The following GALNTL6 variants were observed in gnomAD, a reference collection of about 807,000 sequenced individuals.
The protein encoded by GALNTL6 is polypeptide N-acetylgalactosaminyltransferase like 6.
Under a neutral mutation model 73.7 loss-of-function variants are expected in GALNTL6, and 46 were observed. That is an observed-to-expected ratio of 0.62 (90% CI 0.49 to 0.80). The LOEUF (loss-of-function observed/expected upper bound fraction) is 0.80. GALNTL6 is among the 30% of genes least tolerant of loss of function. The pLI is 0.00. For missense variants in GALNTL6, 604 were observed against 755.0 expected (o/e 0.80, Z 2.34); for synonymous variants, 259 against 263.7 (o/e 0.98, Z 0.17).
intron 2 of GALNTL6, among the ~76,000 whole-genome samples, chr4:172,085,086 T>C (rs1244267082): frequency 6.6e-6 from 1 of 152,062 alleles, no homozygotes; most frequent in Non-Finnish European, 1.5e-5. Context: ...AAATAATACA[T>C]ATAAATAGCT....
At chr4:172,341,797 T>C (rs1741576536) in intron 4 of GALNTL6, among the ~76,000 whole-genome samples, 1 of 152,186 alleles carries the variant, frequency 6.6e-6, no homozygotes, top group Non-Finnish European at 1.5e-5. Context: ...CAATTAAACC[T>C]CTTTCTTTTA....
At chr4:172,713,541 CT>C (rs1299274737) in intron 5 of GALNTL6, among the ~76,000 whole-genome samples, 1 of 152,094 alleles carries the variant, frequency 6.6e-6, no homozygotes, top group Non-Finnish European at 1.5e-5. Flanking sequence ...AAATATTCCT[CT>C]CACCCAAAAG....
intron 5 of GALNTL6, among the ~76,000 whole-genome samples, chr4:172,553,144 T>A (rs1360603104): frequency 2.0e-5 from 3 of 152,174 alleles, no homozygotes; most frequent in Non-Finnish European, 2.9e-5. Flanking sequence ...TTGCCAATAT[T>A]TGGTTTTCTG....
chr4:172,502,358 A>C (rs1450437467), intron 5 of GALNTL6, among the ~76,000 whole-genome samples: 2 of 152,224 alleles, frequency 1.3e-5, no homozygotes, highest in Admixed American at 6.5e-5. Context: ...GACAGTTCTC[A>C]TGAACTATCT....
rs372184518 is a variant in GALNTL6 at position 172,270,780 on chromosome 4, A to T, written c.248-40834A>T. 2.7e-5 allele frequency among the ~76,000 whole-genome samples: 4 copies of T among 147,064 alleles called. No homozygotes were observed. The South Asian group carries it at 8.6e-4, about 32-fold the overall frequency. ...TAGATAGTAGATAGATAATCTCTAG[A>T]TATAGAGCTGTCTATAGATATATAA... On this transcript the variant is annotated intron_variant, in intron 3 of 12. Coordinates refer to ENST00000506823, the MANE Select transcript of GALNTL6 (RefSeq NM_001034845.3).
intron 2 of GALNTL6, among the ~76,000 whole-genome samples, chr4:172,208,619 G>A (rs1429182327): frequency 6.6e-6 from 1 of 151,802 alleles, no homozygotes; most frequent in Non-Finnish European, 1.5e-5. Flanking sequence ...TCACTCATAA[G>A]GTCACAAAAC....
At chr4:171,962,015 T>C (rs188594939) in intron 2 of GALNTL6, among the ~76,000 whole-genome samples, 138 of 152,350 alleles carry the variant, frequency 9.1e-4, no homozygotes, top group East Asian at 7.1e-3. Context: ...CTTCCATATA[T>C]AACCTTTTGT....
intron 5 of GALNTL6, among the ~76,000 whole-genome samples, chr4:172,638,288 G>A (rs762291915): frequency 2.0e-5 from 3 of 152,116 alleles, no homozygotes; most frequent in Non-Finnish European, 4.4e-5. Context: ...GGCAGAGAGT[G>A]ATCTTAACTG....
At chr4:172,563,664 G>T (rs895874294) in intron 5 of GALNTL6, among the ~76,000 whole-genome samples, 2 of 152,180 alleles carry the variant, frequency 1.3e-5, no homozygotes, top group African/African-American at 4.8e-5. Flanking sequence ...AGGCAGCTTT[G>T]TATAGTAAGT....
intron 5 of GALNTL6, among the ~76,000 whole-genome samples, chr4:172,468,809 C>T (rs911040070): frequency 6.6e-6 from 1 of 152,156 alleles, no homozygotes. Flanking sequence ...GGTATTTGTG[C>T]AAATATTAAA....
intron 5 of GALNTL6, among the ~76,000 whole-genome samples, chr4:172,658,705 C>T (rs1731215728): frequency 6.6e-6 from 1 of 151,856 alleles, no homozygotes; most frequent in African/African-American, 2.4e-5. Context: ...ATGAGGTGGC[C>T]CCAGCTACAC....
At chr4:172,829,784 G>T (rs546319726) in intron 7 of GALNTL6, among the ~76,000 whole-genome samples, 1 of 152,270 alleles carries the variant, frequency 6.6e-6, no homozygotes, top group African/African-American at 2.4e-5. Context: ...CTTGGCTCCT[G>T]AGACATAAAA....
Position 172,865,755 on chromosome 4 carries a change from C to T in GALNTL6, c.924-17035C>T, listed in dbSNP as rs1048184160. ...TTTCCTCCTGTCTCTCTCTTCTCTC[C>T]CTCATGAGCCTCTAGTTTCCTCATG... On this transcript the variant is annotated intron_variant, in intron 7 of 12. Transcript: ENST00000506823. 7.2e-5 allele frequency among the ~76,000 whole-genome samples: 11 copies of T among 152,132 alleles called. No individual in the cohort carries two copies. The East Asian group carries it at 2.1e-3, about 29-fold the overall frequency.
chr4:172,796,338 C>A lies in GALNTL6; in HGVS notation c.554-13023C>A, dbSNP rs1370486318. Among the ~76,000 whole-genome samples, 3 of 152,162 alleles carry A rather than the reference C, an allele frequency of 2.0e-5. No homozygotes were observed. In the East Asian group the frequency reaches 5.8e-4, roughly 29 times the overall value. On this transcript the variant is annotated intron_variant, in intron 5 of 12. Coordinates refer to ENST00000506823, the MANE Select transcript of GALNTL6 (RefSeq NM_001034845.3). ...CACTGTTTTGCTGTGTGGTCTTAGG[C>A]AAATTTCTTAAACTTTCTGACCTTC...
intron 7 of GALNTL6, among the ~76,000 whole-genome samples, chr4:172,861,071 G>A (rs1414806915): frequency 2.6e-5 from 4 of 152,124 alleles, no homozygotes; most frequent in Non-Finnish European, 5.9e-5. Flanking sequence ...AAACTTGGAT[G>A]CTATTTTCTT....
intron 5 of GALNTL6, among the ~76,000 whole-genome samples, chr4:172,561,268 A>AAG (rs1736352977): frequency 1.3e-5 from 2 of 150,390 alleles, no homozygotes; most frequent in Admixed American, 1.3e-4. Flanking sequence ...TCAAAAAAAA[A>AAG]AAAAAAAAAA....
In GALNTL6 at chr4:172,405,254, C is replaced by T. The variant is rs915093777; in HGVS notation, c.553+56565C>T. ...CTGAGTTCTCACATTTCCTCATCCA[C>T]ATGGAATCTATGACTTAAAAGAAAT... On this transcript the variant is annotated intron_variant, in intron 5 of 12. Coordinates refer to ENST00000506823, the MANE Select transcript of GALNTL6 (RefSeq NM_001034845.3). Among the ~76,000 whole-genome samples, 7 of 151,086 alleles carry T rather than the reference C, an allele frequency of 4.6e-5. No homozygotes were observed. The East Asian group carries it at 1.4e-3, about 29-fold the overall frequency.
chr4:171,882,166 G>C (rs1736467765), intron 2 of GALNTL6, among the ~76,000 whole-genome samples: 1 of 152,078 alleles, frequency 6.6e-6, no homozygotes, highest in Admixed American at 6.6e-5. Context: ...CTGAGCTTCA[G>C]TAAATACATT....
rs1189677388 is a variant in GALNTL6, at chr4:172,782,493, A to G, written c.554-26868A>G. On this transcript the variant is annotated intron_variant, in intron 5 of 12. Transcript: ENST00000506823. ...TTACTGTCTTTTTCATTGGACAGGT[A>G]TTATCAATTCAGTAGGTGTGCATAA... Among the ~76,000 whole-genome samples, 3 of 152,258 alleles carry G rather than the reference A, an allele frequency of 2.0e-5. No homozygotes were observed. The East Asian group carries it at 5.8e-4, about 29-fold the overall frequency.
Sources: gnomAD v4.1 joint callset for allele counts (sites outside exome capture counted in the v4.1 genomes callset) on GRCh38, gnomAD v4.1.1 for gene constraint, MANE v1.5 for transcripts, NCBI Gene and HGNC (gene_info 2026-07-23, HGNC 2026-07-21) for gene names.